Variants in TAF3 observed in about 807,000 individuals in gnomAD.
TAF3 encodes transcription initiation factor TFIID subunit 3.
A neutral mutation model predicts 80.6 loss-of-function variants in TAF3; 7 were observed. The observed-to-expected ratio is 0.09, with a 90% confidence interval of 0.05 to 0.16. The LOEUF (loss-of-function observed/expected upper bound fraction) is 0.16, where lower values mean the gene tolerates loss of function less well. Among genes scored for constraint, TAF3 ranks in the 10% least tolerant of loss-of-function variants. The probability of loss-of-function intolerance (pLI) is 1.00; values close to 1 mark genes in which losing one functional copy is unlikely to be tolerated. For missense variants in TAF3, 921 were observed against 1,140.2 expected (o/e 0.81, Z 2.77); for synonymous variants, 444 against 446.1 (o/e 1.00, Z 0.06).
intron 4 of TAF3, among the ~76,000 whole-genome samples, chr10:7,994,809 C>CCAAAAAAAAAAA (rs1831870785): frequency 8.0e-6 from 1 of 124,358 alleles, no homozygotes; most frequent in African/African-American, 3.1e-5. Context: ...CTAAAAATAC[C>CCAAAAAAAAAAA]AAAAAAAAAA....
chr10:7,826,351 T>G (rs910115736), intron 2 of TAF3, among the ~76,000 whole-genome samples: 1 of 152,254 alleles, frequency 6.6e-6, no homozygotes, highest in Non-Finnish European at 1.5e-5. Context: ...TAAAGTGCTA[T>G]GGTTATCATA....
chr10:7,966,997 G>A (rs1831577342), intron 3 of TAF3, among the ~76,000 whole-genome samples: 2 of 152,272 alleles, frequency 1.3e-5, no homozygotes, highest in South Asian at 4.1e-4. Context: ...TATAGTAGTT[G>A]TCAGGTTTTA....
At chr10:7,836,501 C>G (rs1465402258) in intron 2 of TAF3, among the ~76,000 whole-genome samples, 1 of 151,968 alleles carries the variant, frequency 6.6e-6, no homozygotes, top group African/African-American at 2.4e-5. Flanking sequence ...CTTGAACTCC[C>G]GACCTTGGGT....
intron 2 of TAF3, among the ~76,000 whole-genome samples, chr10:7,875,499 T>A (rs1167649140): frequency 6.6e-6 from 1 of 152,206 alleles, no homozygotes; most frequent in Admixed American, 6.5e-5. Flanking sequence ...TACAGAAGGA[T>A]GTGTGGAAAC....
chr10:7,874,831 A>G (rs1460882065), intron 2 of TAF3, among the ~76,000 whole-genome samples: 1 of 151,990 alleles, frequency 6.6e-6, no homozygotes, highest in Non-Finnish European at 1.5e-5. Flanking sequence ...AGCTGTATGT[A>G]TCATGTAACT....
intron 2 of TAF3, among the ~76,000 whole-genome samples, chr10:7,860,185 T>G (rs1166318653): frequency 6.6e-6 from 1 of 151,610 alleles, no homozygotes; most frequent in African/African-American, 2.4e-5. Flanking sequence ...AGTGGGAGGA[T>G]TGCTGAAGCC....
At chr10:8,001,085 A>G (rs1831939715) in intron 4 of TAF3, among the ~76,000 whole-genome samples, 1 of 151,886 alleles carries the variant, frequency 6.6e-6, no homozygotes, top group Non-Finnish European at 1.5e-5. Flanking sequence ...TTATTTTTTT[A>G]TTTTATTTTT....
intron 3 of TAF3, among the ~76,000 whole-genome samples, chr10:7,973,152 A>G (rs144160687): frequency 5.3e-4 from 81 of 152,334 alleles, no homozygotes; most frequent in Admixed American, 7.8e-4. Context: ...AGTTGTGAAG[A>G]TAGAGTTGAA....
At chr10:7,874,696 A>C (rs1029648796) in intron 2 of TAF3, among the ~76,000 whole-genome samples, 8 of 151,292 alleles carry the variant, frequency 5.3e-5, no homozygotes, top group Non-Finnish European at 1.0e-4. Context: ...GTTTTGTCTT[A>C]GTTTTTTTTT....
chr10:7,879,570 G>A (rs1238092016), intron 2 of TAF3, among the ~76,000 whole-genome samples: 1 of 152,132 alleles, frequency 6.6e-6, no homozygotes, highest in Non-Finnish European at 1.5e-5. Context: ...CCCTAATATG[G>A]ACTCCTGAAA....
intron 2 of TAF3, among the ~76,000 whole-genome samples, chr10:7,931,574 A>G (rs1182610813): frequency 6.6e-6 from 1 of 152,210 alleles, no homozygotes; most frequent in African/African-American, 2.4e-5. Context: ...TAAACAGACC[A>G]CAGATTTTCA....
intron 2 of TAF3, among the ~76,000 whole-genome samples, chr10:7,932,669 ATTTTTTTT>A (rs34907761): frequency 3.4e-4 from 27 of 78,810 alleles, no homozygotes; most frequent in South Asian, 1.4e-3. Flanking sequence ...GTTCCACTTA[ATTTTTTTT>A]TTTTTTTTTT....
intron 2 of TAF3, among the ~76,000 whole-genome samples, chr10:7,925,757 C>T (rs1402476919): frequency 6.9e-6 from 1 of 145,212 alleles, no homozygotes; most frequent in East Asian, 2.0e-4. Context: ...CGAGATTGTG[C>T]CACTGCACTC....
At chr10:7,845,114 C>T (rs1267106391) in intron 2 of TAF3, among the ~76,000 whole-genome samples, 1 of 152,106 alleles carries the variant, frequency 6.6e-6, no homozygotes, top group Non-Finnish European at 1.5e-5. Context: ...TATGATTACA[C>T]CAGTGTCCCA....
chr10:7,842,187 T>TG (rs1230231410), intron 2 of TAF3, among the ~76,000 whole-genome samples: 4 of 138,832 alleles, frequency 2.9e-5, no homozygotes, highest in African/African-American at 1.1e-4. Context: ...TTTTTTTTTT[T>TG]TTTTGAGACA....
chr10:7,893,836 C>T (rs1012021077), intron 2 of TAF3, among the ~76,000 whole-genome samples: 1 of 152,102 alleles, frequency 6.6e-6, no homozygotes, highest in Non-Finnish European at 1.5e-5. Context: ...ATAAATTGAT[C>T]CTCTTAATTA....
chr10:7,890,429 T>G (rs1039914271), intron 2 of TAF3, among the ~76,000 whole-genome samples: 1 of 152,240 alleles, frequency 6.6e-6, no homozygotes, highest in African/African-American at 2.4e-5. Context: ...TAGAAGCCTC[T>G]TATCCTATTA....
intron 2 of TAF3, among the ~76,000 whole-genome samples, chr10:7,827,316 T>G (rs1412719359): frequency 2.2e-5 from 3 of 134,932 alleles, no homozygotes; most frequent in African/African-American, 8.1e-5. Flanking sequence ...AAATGGAGAA[T>G]CAAGTAATTT....
chr10:7,829,517 G>A (rs925859389), intron 2 of TAF3, among the ~76,000 whole-genome samples: 2 of 152,094 alleles, frequency 1.3e-5, no homozygotes, highest in African/African-American at 2.4e-5. Context: ...TTATTGGTTA[G>A]GTATATTGTC....
Sources: gnomAD v4.1 joint callset for allele counts (sites outside exome capture counted in the v4.1 genomes callset) on GRCh38, gnomAD v4.1.1 for gene constraint, MANE v1.5 for transcripts, NCBI Gene and HGNC (gene_info 2026-07-23, HGNC 2026-07-21) for gene names.